PRIM2: variants seen among roughly 807,000 people sequenced by gnomAD.
PRIM2 encodes the protein DNA primase large subunit.
A neutral mutation model predicts 67.3 loss-of-function variants in PRIM2; 39 were observed. The observed-to-expected ratio is 0.58, with a 90% CI of 0.45 to 0.76. The LOEUF (loss-of-function observed/expected upper bound fraction) is 0.76, where lower values mean the gene tolerates loss of function less well. Among genes scored for constraint, PRIM2 ranks in the 30% least tolerant of loss-of-function variants. PRIM2 has a pLI of 0.00. For missense variants in PRIM2, 398 were observed against 598.7 expected (o/e 0.66, Z 3.50); for synonymous variants, 143 against 198.7 (o/e 0.72, Z 2.36).
chr6:57,367,744 G>A (rs976194533), intron 5 of PRIM2, among the ~76,000 whole-genome samples: 5 of 152,272 alleles, frequency 3.3e-5, no homozygotes, highest in African/African-American at 9.6e-5. Flanking sequence ...TCTGCTGGAC[G>A]CCTTTCCATG....
intron 5 of PRIM2, among the ~76,000 whole-genome samples, chr6:57,330,519 GTTT>G (rs1328021745): frequency 6.6e-6 from 1 of 151,014 alleles, no homozygotes; most frequent in Admixed American, 6.6e-5. Flanking sequence ...TATTGAACTT[GTTT>G]TTTAATTCTA....
the PRIM2 span, among the ~76,000 whole-genome samples, chr6:57,234,248 T>C: frequency 6.6e-6 from 1 of 152,272 alleles, no homozygotes; most frequent in African/African-American, 2.4e-5. Flanking sequence ...CAATTAAAAA[T>C]AGATGTGTAG....
chr6:57,269,945 A>G, the PRIM2 span, among the ~76,000 whole-genome samples: 1 of 152,072 alleles, frequency 6.6e-6, no homozygotes, highest in East Asian at 1.9e-4. Context: ...GGTTGTAGAT[A>G]TGCGGCATTA....
chr6:57,457,317 TCAGA>T (rs1165678206), intron 7 of PRIM2, among the ~76,000 whole-genome samples: 1 of 152,226 alleles, frequency 6.6e-6, no homozygotes, highest in Non-Finnish European at 1.5e-5. Context: ...TTCAAAGCTG[TCAGA>T]CAGGGACATT....
At chr6:57,418,392 T>G (rs1249090369) in intron 7 of PRIM2, among the ~76,000 whole-genome samples, 1,622 of 102,544 alleles carry the variant, frequency 0.016, 160 homozygotes, top group African/African-American at 0.063. Flanking sequence ...GGTTTTTTTT[T>G]TTTTTTTTTT....
chr6:57,559,249 T>C (rs1204339968), intron 10 of PRIM2, among the ~76,000 whole-genome samples: 1 of 152,184 alleles, frequency 6.6e-6, no homozygotes, highest in Non-Finnish European at 1.5e-5. Context: ...TTTGGTAGCA[T>C]GCTTAAAGTG....
At chr6:57,529,514 A>C (rs1424495189) in intron 8 of PRIM2, among the ~76,000 whole-genome samples, 1 of 152,188 alleles carries the variant, frequency 6.6e-6, no homozygotes, top group Non-Finnish European at 1.5e-5. Flanking sequence ...AATGGCAGCT[A>C]TCAATTTAAC....
intron 7 of PRIM2, among the ~76,000 whole-genome samples, chr6:57,505,967 T>C (rs1254478838): frequency 6.6e-6 from 1 of 152,066 alleles, no homozygotes; most frequent in Non-Finnish European, 1.5e-5. Flanking sequence ...ACATGAAATC[T>C]CTTGAACAAT....
intron 7 of PRIM2, among the ~76,000 whole-genome samples, chr6:57,401,970 C>T (rs1156525100): frequency 6.6e-6 from 1 of 152,206 alleles, no homozygotes; most frequent in African/African-American, 2.4e-5. Context: ...GGGAGGCTTT[C>T]AGTTGCCCCT....
chr6:57,365,596 T>C (rs1223330455), intron 5 of PRIM2, among the ~76,000 whole-genome samples: 1 of 152,208 alleles, frequency 6.6e-6, no homozygotes, highest in Non-Finnish European at 1.5e-5. Context: ...TTTCTTCAGT[T>C]TGAATATTGT....
At chr6:57,306,290 G>C in the PRIM2 span, among the ~76,000 whole-genome samples, 3 of 152,042 alleles carry the variant, frequency 2.0e-5, no homozygotes, top group Non-Finnish European at 2.9e-5. Flanking sequence ...CAAGTGAGAG[G>C]GCCAGACTAG....
chr6:57,437,789 C>T (rs561321583), intron 7 of PRIM2, among the ~76,000 whole-genome samples: 39 of 151,616 alleles, frequency 2.6e-4, no homozygotes, highest in South Asian at 4.2e-4. Context: ...CCTAGCCTCT[C>T]GAGTAGCTAG....
intron 5 of PRIM2, among the ~76,000 whole-genome samples, chr6:57,361,423 G>T (rs1769195677): frequency 6.6e-6 from 1 of 151,532 alleles, no homozygotes; most frequent in Admixed American, 6.6e-5. Context: ...GAGGAAGCTT[G>T]GTGGACCTTG....
chr6:57,400,420 T>C (rs987296701), intron 7 of PRIM2, among the ~76,000 whole-genome samples: 30 of 152,208 alleles, frequency 2.0e-4, no homozygotes, highest in Non-Finnish European at 3.2e-4. Context: ...ATATTGAATA[T>C]AGGCCCCTAA....
At chr6:57,236,671 T>G in the PRIM2 span, among the ~76,000 whole-genome samples, 1 of 152,178 alleles carries the variant, frequency 6.6e-6, no homozygotes, top group South Asian at 2.1e-4. Flanking sequence ...CGGTGTTTGG[T>G]TTTTTGTCCT....
intron 7 of PRIM2, among the ~76,000 whole-genome samples, chr6:57,389,227 C>T (rs1770249895): frequency 6.6e-6 from 1 of 152,196 alleles, no homozygotes; most frequent in Non-Finnish European, 1.5e-5. Context: ...GCCTTAGCCT[C>T]CTAAGTAGCT....
At chr6:57,629,176 A>T (rs1777003368) in intron 12 of PRIM2, among the ~76,000 whole-genome samples, 1 of 152,180 alleles carries the variant, frequency 6.6e-6, no homozygotes, top group Non-Finnish European at 1.5e-5. Context: ...AGTGCAGAAG[A>T]AGTCTCAGGT....
intron 13 of PRIM2, among the ~76,000 whole-genome samples, chr6:57,637,940 C>CAT (rs1428463053): frequency 1.3e-5 from 2 of 152,118 alleles, no homozygotes; most frequent in African/African-American, 4.8e-5. Flanking sequence ...CCCCAAGACA[C>CAT]ATAATTGTCA....
chr6:57,618,460 C>T (rs1385382211), intron 12 of PRIM2, among the ~76,000 whole-genome samples: 3 of 152,206 alleles, frequency 2.0e-5, no homozygotes, highest in Admixed American at 6.5e-5. Flanking sequence ...GACCCTCAGA[C>T]TCTCTGAAGG....
Sources: gnomAD v4.1 joint callset for allele counts (sites outside exome capture counted in the v4.1 genomes callset) on GRCh38, gnomAD v4.1.1 for gene constraint, MANE v1.5 for transcripts, NCBI Gene and HGNC (gene_info 2026-07-23, HGNC 2026-07-21) for gene names.